Variants in ST7 observed in about 807,000 individuals in gnomAD.
ST7 encodes suppressor of tumorigenicity 7 protein.
A neutral mutation model predicts 78.7 loss-of-function variants in ST7; 28 were observed. The observed-to-expected ratio is 0.36, with a 90% CI of 0.26 to 0.49. The LOEUF (loss-of-function observed/expected upper bound fraction) is 0.49. ST7 is among the 20% of genes least tolerant of loss of function. ST7 has a pLI of 0.99. For missense variants in ST7, 418 were observed against 696.0 expected, an observed-to-expected ratio of 0.60 and a Z score of 4.49; for synonymous variants, 247 against 249.6, an observed-to-expected ratio of 0.99 and a Z score of 0.10.
chr7:117,144,886 C>T (rs1383631710), intron 9 of ST7, among the ~76,000 whole-genome samples: 1 of 151,894 alleles, frequency 6.6e-6, no homozygotes, highest in African/African-American at 2.4e-5. Flanking sequence ...TTCAAAAGAA[C>T]AAAGTAGTGG....
At chr7:117,086,727 C>T (rs774369016) in intron 1 of ST7, among the ~76,000 whole-genome samples, 4 of 152,090 alleles carry the variant, frequency 2.6e-5, no homozygotes, top group East Asian at 1.9e-4. Flanking sequence ...CAGTTTCCAC[C>T]GACTGTTACC....
Position 117,219,291 on chromosome 7 carries a change from C to T in ST7, c.1498+115C>T, listed in dbSNP as rs1792913643. On this transcript the variant is annotated intron_variant, in intron 14 of 15. Transcript: ENST00000323984. This position sits in a 1 kb window ranked among gnomAD's most constrained non-coding sequence, Gnocchi z 5.1. ...TGTCTTTTATTACTTTTCTCCAAAC[C>T]CCTGTCCTTGTTTGATAGCATATGT... 1 of 862,350 alleles carries T rather than the reference C, an allele frequency of 1.2e-6. No individual in the cohort carries two copies. The highest frequency in any genetic ancestry group is 2.4e-5 in the Admixed American group (1 of 41,946). 53.4% of individuals were successfully genotyped at this position (862,350 alleles called of 1,614,324 possible).
chr7:117,004,015 A>C (rs1795052361), intron 1 of ST7, among the ~76,000 whole-genome samples: 1 of 152,184 alleles, frequency 6.6e-6, no homozygotes, highest in Admixed American at 6.5e-5. Context: ...TTTAAATTGA[A>C]AAGACTAAAT....
chr7:116,977,188 G>A (rs1325165892), intron 1 of ST7, among the ~76,000 whole-genome samples: 1 of 152,180 alleles, frequency 6.6e-6, no homozygotes, highest in Non-Finnish European at 1.5e-5. Context: ...TTCTGATTCT[G>A]TGTATATGAT....
Position 117,011,660 on chromosome 7 carries a change from T to C in ST7, c.151+57969T>C, listed in dbSNP as rs140200154. On this transcript the variant is annotated intron_variant, in intron 1 of 15. Coordinates refer to ENST00000323984, the MANE Select transcript of ST7 (RefSeq NM_001369598.1). ...ATTGTAGCAGGACTCTGGGATGGGATTCAGGGGTGCCAAATGCTATAAGTA... is the reference window on the plus strand; with the variant it reads ...ATTGTAGCAGGACTCTGGGATGGGACTCAGGGGTGCCAAATGCTATAAGTA... Among the ~76,000 whole-genome samples, 33 of 152,294 alleles carry C rather than the reference T, an allele frequency of 2.2e-4. 1 individual carries two copies. Among genetic ancestry groups the C allele is most frequent in the Non-Finnish European group, 4.1e-4 (28 of 68,028 alleles).
intron 6 of ST7, among the ~76,000 whole-genome samples, chr7:117,133,844 T>C (rs147039542): frequency 5.3e-4 from 81 of 152,010 alleles, no homozygotes; most frequent in African/African-American, 1.8e-3. Context: ...GGGAGAAATC[T>C]CTGTGAAGCC....
At chr7:117,152,050 C>T (rs1239607103) in intron 9 of ST7, among the ~76,000 whole-genome samples, 1 of 150,030 alleles carries the variant, frequency 6.7e-6, no homozygotes, top group Admixed American at 6.7e-5. Flanking sequence ...ACCGGGGAGG[C>T]AGAGGTTGCA....
chr7:117,170,842 C>T lies in ST7; in HGVS notation c.964-20C>T. ...GACATACATAATATACTAATTATTC[C>T]TTGGTTTCTTCTGCCCTAGTTAATG... is the stretch of plus-strand genomic sequence containing the variant. On this transcript the variant is annotated intron_variant, in intron 9 of 15. Coordinates refer to ENST00000323984, the MANE Select transcript of ST7 (RefSeq NM_001369598.1). The T allele has an allele frequency of 7.5e-7, 1 of 1,333,488 alleles. No homozygotes were observed. The highest frequency in any genetic ancestry group is 1.5e-5 in the African/African-American group (1 of 68,238). 82.6% of individuals were successfully genotyped at this position (1,333,488 alleles called of 1,614,324 possible). A position where few individuals can be genotyped will look rare whatever the true frequency, so the allele number is the denominator to read the frequency against.
At chr7:116,969,480 C>A (rs1032483400) in intron 1 of ST7, among the ~76,000 whole-genome samples, 3 of 152,198 alleles carry the variant, frequency 2.0e-5, no homozygotes, top group African/African-American at 7.2e-5. Context: ...ATAATACCAA[C>A]TTATCACTGT....
At chr7:116,967,769 A>T (rs1793201207) in intron 1 of ST7, among the ~76,000 whole-genome samples, 1 of 152,176 alleles carries the variant, frequency 6.6e-6, no homozygotes, top group African/African-American at 2.4e-5. Flanking sequence ...TTAGATATTT[A>T]CTTGTAGTTA....
rs144144590 is a variant in ST7 at position 117,142,229 on chromosome 7, C to G, written c.963+3697C>G. Among the ~76,000 whole-genome samples the G allele has an allele frequency of 8.3e-3, 1,270 of 152,128 alleles. 14 individuals are homozygous for G. Among genetic ancestry groups the G allele is most frequent in the Middle Eastern group, 0.014 (4 of 294 alleles). On this transcript the variant is annotated intron_variant, in intron 9 of 15. Coordinates refer to ENST00000323984, the MANE Select transcript of ST7 (RefSeq NM_001369598.1). ...ATAGGGCTGATGACCATGGTCTAGTCCCTTAGCCATACACTGTCAGAACTG... is the reference window on the plus strand; with the variant it reads ...ATAGGGCTGATGACCATGGTCTAGTGCCTTAGCCATACACTGTCAGAACTG...
At chr7:117,002,598 A>G (rs889078337) in intron 1 of ST7, among the ~76,000 whole-genome samples, 1 of 151,880 alleles carries the variant, frequency 6.6e-6, no homozygotes, top group Non-Finnish European at 1.5e-5. Context: ...TTGATCAGAT[A>G]TATAGAATCT....
At chr7:117,090,996 G>A (rs1800566035) in intron 1 of ST7, among the ~76,000 whole-genome samples, 1 of 152,212 alleles carries the variant, frequency 6.6e-6, no homozygotes, top group South Asian at 2.1e-4. Flanking sequence ...CCACAACTGA[G>A]GAAAGAATGT....
chr7:117,091,154 A>C (rs1800580249), intron 1 of ST7, among the ~76,000 whole-genome samples: 1 of 152,196 alleles, frequency 6.6e-6, no homozygotes, highest in Non-Finnish European at 1.5e-5. Flanking sequence ...GTCTAAAATT[A>C]TACTTCCATG....
intron 2 of ST7, chr7:117,112,722 G>C (rs1025183632): frequency 2.6e-5 from 4 of 152,222 alleles, no homozygotes; most frequent in African/African-American, 9.6e-5. Context: ...GGGCTCTTGG[G>C]GGATTGGGGT....
At chr7:117,229,627 C>T (rs2116250093) in intron 15 of ST7, 135 bp from the exon 16 acceptor site, 1 of 726,076 alleles carries the variant, frequency 1.4e-6, no homozygotes, top group East Asian at 2.5e-5. Flanking sequence ...TTCCTGTAAA[C>T]ATAAAGATGA....
chr7:117,142,463 C>T lies in ST7; in HGVS notation c.963+3931C>T, dbSNP rs1665243682. Among the ~76,000 whole-genome samples the T allele has an allele frequency of 2.7e-5, 4 of 150,230 alleles. No individual in the cohort carries two copies. The South Asian group carries it at 8.4e-4, about 31-fold the overall frequency. On this transcript the variant is annotated intron_variant, in intron 9 of 15. Coordinates refer to ENST00000323984, the MANE Select transcript of ST7 (RefSeq NM_001369598.1). ...CTAGATGCCAATTGCAGCTTAACCCCTGTACCTCCCCAGTTGTGAAAAAAA... is the reference window on the plus strand; with the variant it reads ...CTAGATGCCAATTGCAGCTTAACCCTTGTACCTCCCCAGTTGTGAAAAAAA...
chr7:117,100,222 A>G (rs780757192), intron 2 of ST7, among the ~76,000 whole-genome samples: 32 of 152,304 alleles, frequency 2.1e-4, no homozygotes, highest in Non-Finnish European at 4.1e-4. Context: ...CTGTAATCCC[A>G]GCACTTTGGG....
chr7:116,975,304 C>T (rs1464210605), intron 1 of ST7, among the ~76,000 whole-genome samples: 1 of 152,198 alleles, frequency 6.6e-6, no homozygotes, highest in African/African-American at 2.4e-5. Context: ...TTACCTCCCA[C>T]TAAGTCCCTC....
Sources: allele counts gnomAD v4.1 joint callset (sites outside exome capture counted in the v4.1 genomes callset), GRCh38; gene constraint gnomAD v4.1.1; non-coding constraint Gnocchi (gnomAD v3.1); transcripts MANE v1.5; gene names NCBI Gene and HGNC (gene_info 2026-07-23, HGNC 2026-07-21).